GPHN: variants seen among roughly 807,000 people sequenced by gnomAD.
GPHN encodes gephyrin.
Under a neutral mutation model 95.5 loss-of-function variants are expected in GPHN, and 17 were observed. The observed-to-expected ratio is 0.18, with a 90% confidence interval of 0.12 to 0.27. The LOEUF (loss-of-function observed/expected upper bound fraction) is 0.27. Ranked by LOEUF, GPHN falls within the 10% of genes least tolerant of loss-of-function variation. The pLI, the probability that GPHN is intolerant of heterozygous loss-of-function variation, is 1.00. For missense variants in GPHN, 660 were observed against 978.1 expected (o/e 0.67, Z 4.34); for synonymous variants, 320 against 322.5 (o/e 0.99, Z 0.08).
the GPHN span, chr14:67,374,390 A>T: frequency 1.4e-6 from 1 of 729,970 alleles, no homozygotes; most frequent in Non-Finnish European, 2.1e-6. Context: ...TCAAACACTT[A>T]ATTTGGTCTT....
the GPHN span, among the ~76,000 whole-genome samples, chr14:67,451,197 A>G: frequency 2.0e-5 from 3 of 152,220 alleles, no homozygotes. Flanking sequence ...GCCTGGATGC[A>G]CAGAAAGAAG....
chr14:67,710,249 CT>C, the GPHN span, among the ~76,000 whole-genome samples: 130 of 152,290 alleles, frequency 8.5e-4, 1 homozygote, highest in Admixed American at 3.9e-3. Context: ...GCAAAATAAA[CT>C]TTCTAAATTA....
At chr14:67,571,553 GA>G in the GPHN span, 1 of 529,660 alleles carries the variant, frequency 1.9e-6, no homozygotes, top group East Asian at 2.9e-5. Flanking sequence ...TGGTGTGTGG[GA>G]AGGGAGGCCT....
At chr14:66,585,324 CT>C (rs1351761189) in intron 1 of GPHN, among the ~76,000 whole-genome samples, 9 of 152,182 alleles carry the variant, frequency 5.9e-5, no homozygotes, top group African/African-American at 1.9e-4. Flanking sequence ...TTTTGTTGAT[CT>C]TTTCAAAAAA....
At chr14:67,571,752 AG>A in the GPHN span, 1 of 1,611,858 alleles carries the variant, frequency 6.2e-7, no homozygotes, top group South Asian at 1.1e-5. Context: ...TGTCTTGCAG[AG>A]AGCTACACAG....
chr14:66,546,805 G>T (rs1255179580), intron 1 of GPHN, among the ~76,000 whole-genome samples: 1 of 150,228 alleles, frequency 6.7e-6, no homozygotes, highest in Admixed American at 6.6e-5. Flanking sequence ...GAGAGGGGGA[G>T]GGGGAGGGGG....
chr14:66,980,543 A>C (rs917685558), intron 9 of GPHN, among the ~76,000 whole-genome samples: 26 of 152,174 alleles, frequency 1.7e-4, no homozygotes, highest in Middle Eastern at 3.2e-3. Context: ...AAATAATTTC[A>C]GTTTAATTAT....
chr14:67,685,176 G>A, the GPHN span: 1 of 1,614,108 alleles, frequency 6.2e-7, no homozygotes, highest in Non-Finnish European at 8.5e-7. Context: ...CTGTGCCAGG[G>A]TGTACAGAAT....
the GPHN span, chr14:67,570,186 A>T: frequency 3.4e-6 from 1 of 291,206 alleles, no homozygotes; most frequent in Admixed American, 6.5e-5. Context: ...TATTATAAAA[A>T]TTCCACATTT....
intron 2 of GPHN, among the ~76,000 whole-genome samples, chr14:66,717,243 G>A (rs1302685810): frequency 6.6e-6 from 1 of 152,074 alleles, no homozygotes; most frequent in Non-Finnish European, 1.5e-5. Context: ...TGAAGACCTT[G>A]TCTTCGAGCC....
chr14:67,662,715 C>G, the GPHN span, among the ~76,000 whole-genome samples: 1 of 152,068 alleles, frequency 6.6e-6, no homozygotes, highest in East Asian at 1.9e-4. Context: ...ACCACCCTGG[C>G]CAACCTGGTG....
At position 67,181,047 on chromosome 14, in the gene GPHN, A is replaced by G. The variant is rs2083302620; in HGVS notation, c.*110A>G. ...CCGATTTGGATAAAAGTTGATCTGTATAGTCAACATCTTGAACTATATTTC... is the reference window on the plus strand; with the variant it reads ...CCGATTTGGATAAAAGTTGATCTGTGTAGTCAACATCTTGAACTATATTTC... On this transcript the variant is annotated 3_prime_UTR_variant, in exon 23 of 23. Coordinates refer to ENST00000478722, the MANE Select transcript of GPHN (RefSeq NM_020806.5). 23 of 938,764 alleles carry G rather than the reference A, an allele frequency of 2.5e-5. No homozygotes were observed. The highest frequency in any genetic ancestry group is 1.4e-4 in the South Asian group (10 of 72,926). The allele number at this position is 938,764 out of a possible 1,614,324, so 58.2% of individuals were successfully genotyped here. A position where few individuals can be genotyped will look rare whatever the true frequency, so the allele number is the denominator to read the frequency against.
At chr14:67,328,828 T>G in the GPHN span, among the ~76,000 whole-genome samples, 3 of 152,186 alleles carry the variant, frequency 2.0e-5, no homozygotes, top group Admixed American at 2.0e-4. Flanking sequence ...TTCTGTTCCA[T>G]TGGTCTGTAT....
chr14:66,827,320 T>A (rs949967654), intron 4 of GPHN, among the ~76,000 whole-genome samples: 3 of 151,470 alleles, frequency 2.0e-5, no homozygotes, highest in Admixed American at 1.3e-4. Context: ...GTGCAGAGGT[T>A]TGTTAGGAAT....
At chr14:66,616,204 A>T (rs1010903927) in intron 1 of GPHN, among the ~76,000 whole-genome samples, 1 of 123,752 alleles carries the variant, frequency 8.1e-6, no homozygotes, top group Middle Eastern at 3.5e-3. Flanking sequence ...CTTTGATTCC[A>T]TATGAAATTT....
the GPHN span, among the ~76,000 whole-genome samples, chr14:67,414,063 G>A: frequency 1.3e-5 from 2 of 152,116 alleles, no homozygotes; most frequent in South Asian, 2.1e-4. Flanking sequence ...CATCCTCTTC[G>A]GCTCTAACTG....
At chr14:66,802,721 C>A (rs116982707) in intron 3 of GPHN, among the ~76,000 whole-genome samples, 2,923 of 152,270 alleles carry the variant, frequency 0.019, 38 homozygotes, top group Middle Eastern at 0.041. Flanking sequence ...GGGTTCCCTT[C>A]TGGTCCAGGG....
chr14:67,188,369 C>T, the GPHN span, among the ~76,000 whole-genome samples: 4 of 151,926 alleles, frequency 2.6e-5, no homozygotes, highest in African/African-American at 7.3e-5. Context: ...TTTAATGTAT[C>T]AGTAGCCTCA....
chr14:67,456,141 T>A, the GPHN span, among the ~76,000 whole-genome samples: 1 of 152,080 alleles, frequency 6.6e-6, no homozygotes, highest in African/African-American at 2.4e-5. Flanking sequence ...AACAGCCCCA[T>A]GAAAAGTGGG....
Sources: allele counts gnomAD v4.1 joint callset (sites outside exome capture counted in the v4.1 genomes callset), GRCh38; gene constraint gnomAD v4.1.1; transcripts MANE v1.5; gene names NCBI Gene and HGNC (gene_info 2026-07-23, HGNC 2026-07-21).